SGPL1: variants seen among roughly 807,000 people sequenced by gnomAD.
SGPL1 encodes sphingosine-1-phosphate lyase 1.
In SGPL1, 37 loss-of-function variants were observed where a neutral mutation model predicts 68.9. The observed-to-expected ratio is 0.54, with a 90% CI of 0.41 to 0.71. The LOEUF is 0.71. SGPL1 is among the 30% of genes least tolerant of loss of function. SGPL1 has a pLI of 0.00. For missense variants in SGPL1, 551 were observed against 704.6 expected, an observed-to-expected ratio of 0.78 and a Z score of 2.47; for synonymous variants, 236 against 248.5, an observed-to-expected ratio of 0.95 and a Z score of 0.47.
At position 70,851,045 on chromosome 10, in the gene SGPL1, G is replaced by C. The variant is rs1845871750; in HGVS notation, c.194-98G>C. 4.5e-6 allele frequency: 4 copies of C among 888,474 alleles called. No homozygotes were observed. The African/African-American group carries it at 6.8e-5, about 15-fold the overall frequency. The allele number at this position is 888,474 out of a possible 1,614,324, so 55.0% of individuals were successfully genotyped here. ...AAACGAAAGAAACTCTTTGCAATTGGAAGGCAAGTGAGGTGGAAGACACAT... is the reference window on the plus strand; with the variant it reads ...AAACGAAAGAAACTCTTTGCAATTGCAAGGCAAGTGAGGTGGAAGACACAT... On this transcript the variant is annotated intron_variant, in intron 3 of 14. Coordinates refer to ENST00000373202, the MANE Select transcript of SGPL1 (RefSeq NM_003901.4).
intron 7 of SGPL1, chr10:70,866,468 T>C (rs1343984071): frequency 6.6e-6 from 1 of 152,180 alleles, no homozygotes; most frequent in Non-Finnish European, 1.5e-5. Context: ...TGCATAACAA[T>C]GATGTTTTGA....
At chr10:70,842,615 G>T (rs182489883) in intron 2 of SGPL1, among the ~76,000 whole-genome samples, 2 of 151,706 alleles carry the variant, frequency 1.3e-5, no homozygotes, top group Admixed American at 6.6e-5. Flanking sequence ...GAAAGAGAGT[G>T]GGGGGAGGTC....
At position 70,849,810 on chromosome 10, in the gene SGPL1, C is replaced by CA. The variant is rs771653853; in HGVS notation, c.194-1330dup. On this transcript the variant is annotated intron_variant, in intron 3 of 14. Coordinates refer to ENST00000373202, the MANE Select transcript of SGPL1 (RefSeq NM_003901.4). ...AGCCAGGCTTAGATTCTTATAGACTCAAACAGAAAATTCCTGTGGTGCATT... is the reference window on the plus strand; with the variant it reads ...AGCCAGGCTTAGATTCTTATAGACTCAAAACAGAAAATTCCTGTGGTGCATT... Among the ~76,000 whole-genome samples the CA allele has an allele frequency of 2.0e-4, 31 of 152,192 alleles. 1 individual carries two copies. The highest frequency in any genetic ancestry group is 3.8e-4 in the Non-Finnish European group (26 of 68,030).
rs868485192 is a variant in SGPL1, at chr10:70,849,141, A to G, written c.194-2002A>G. Among the ~76,000 whole-genome samples the G allele has an allele frequency of 4.3e-4, 66 of 152,262 alleles. 1 individual carries two copies. The highest frequency in any genetic ancestry group is 1.4e-3 in the African/African-American group (60 of 41,538). On this transcript the variant is annotated intron_variant, in intron 3 of 14. Transcript: ENST00000373202. ...ATTCTTTTATCCTCCACCTAGTCAC[A>G]TTACTATACTTCTGGACAGCTGGTC...
intron 2 of SGPL1, among the ~76,000 whole-genome samples, chr10:70,837,002 A>C (rs1845636973): frequency 6.6e-6 from 1 of 151,888 alleles, no homozygotes; most frequent in African/African-American, 2.4e-5. Flanking sequence ...TCATTAATTA[A>C]ATTTTAATAA....
intron 7 of SGPL1, among the ~76,000 whole-genome samples, chr10:70,865,158 G>A (rs1278071726): frequency 6.6e-6 from 1 of 151,800 alleles, no homozygotes; most frequent in Admixed American, 6.6e-5. Flanking sequence ...AGTTTCAAGG[G>A]CTGATTAGAA....
rs1008531097 is a variant in SGPL1 at position 70,877,938 on chromosome 10, C to T, written c.*603C>T. ...CAAGCGATTCTTCTGCCTCAGCCTC[C>T]CGAGTAGCTGGGATTACCGGCACCC... On this transcript the variant is annotated 3_prime_UTR_variant, in exon 15 of 15. Coordinates refer to ENST00000373202, the MANE Select transcript of SGPL1 (RefSeq NM_003901.4). The T allele has an allele frequency of 3.9e-5, 6 of 151,902 alleles. No individual in the cohort carries two copies. Among genetic ancestry groups the T allele is most frequent in the African/African-American group, 1.5e-4 (6 of 41,256 alleles). The allele number at this position is 151,902 out of a possible 1,614,324, so 9.4% of individuals were successfully genotyped here.
intron 7 of SGPL1, among the ~76,000 whole-genome samples, chr10:70,867,860 CTCTG>C (rs1250991820): frequency 2.0e-5 from 3 of 152,316 alleles, no homozygotes; most frequent in South Asian, 4.1e-4. Context: ...TTCTGCTTTT[CTCTG>C]TCTTTCAAAC....
In SGPL1 at chr10:70,871,961, C is replaced by A; in HGVS notation, c.1034C>A (p.Thr345Asn). The A allele has an allele frequency of 6.2e-7, 1 of 1,614,098 alleles. No individual in the cohort carries two copies. ...TTTGATTTCCGGGTGAAAGGTGTAA[C>A]CAGCATTTCAGCTGACACCCATAAG... Reference protein sequence around the residue: ...HPFDFRVKGVTSISADTHKYG... With the variant: ...HPFDFRVKGVNSISADTHKYG... Residue 345 changes from threonine to asparagine, a missense_variant, in exon 11 of 15, where the codon ACC (threonine) becomes AAC (asparagine). Physicochemically the swap from Thr to Asn is moderately conservative, Grantham distance 65. Coordinates refer to ENST00000373202, the MANE Select transcript of SGPL1 (RefSeq NM_003901.4).
chr10:70,877,111 G>C (rs1325437726), intron 14 of SGPL1, 84 bp from the exon 15 acceptor site: 1 of 1,388,990 alleles, frequency 7.2e-7, no homozygotes, highest in Non-Finnish European at 1.0e-6. Flanking sequence ...GCTAGGACTC[G>C]GGGAGAAGGG....
intron 3 of SGPL1, among the ~76,000 whole-genome samples, chr10:70,846,413 T>G (rs1845793281): frequency 6.6e-6 from 1 of 152,126 alleles, no homozygotes; most frequent in Admixed American, 6.6e-5. Flanking sequence ...TCTCTGCTTA[T>G]CCTTCTATTA....
intron 1 of SGPL1, among the ~76,000 whole-genome samples, chr10:70,816,603 T>C (rs1845236017): frequency 6.6e-6 from 1 of 152,126 alleles, no homozygotes; most frequent in East Asian, 1.9e-4. Context: ...TCTGGATTAG[T>C]TTCATCAGCT....
At chr10:70,829,584 T>A (rs1464717733) in intron 2 of SGPL1, among the ~76,000 whole-genome samples, 1 of 152,202 alleles carries the variant, frequency 6.6e-6, no homozygotes, top group African/African-American at 2.4e-5. Flanking sequence ...CTTTTTTTTT[T>A]CTCCTGAACG....
At chr10:70,866,831 CT>C (rs1846199730) in intron 7 of SGPL1, 1 of 152,174 alleles carries the variant, frequency 6.6e-6, no homozygotes, top group Admixed American at 6.5e-5. Flanking sequence ...CAAAAAATGA[CT>C]TTTCTCAGTT....
chr10:70,817,635 T>C (rs1845259830), intron 2 of SGPL1, among the ~76,000 whole-genome samples: 1 of 152,118 alleles, frequency 6.6e-6, no homozygotes, highest in African/African-American at 2.4e-5. Flanking sequence ...TTTTAATCCC[T>C]CCCTTCCCGT....
intron 7 of SGPL1, among the ~76,000 whole-genome samples, chr10:70,862,567 TCACTCTTTGGGTC>T (rs1445230845): frequency 6.6e-6 from 1 of 152,118 alleles, no homozygotes; most frequent in African/African-American, 2.4e-5. Flanking sequence ...TTGCTACTGC[TCACTCTTTGGGTC>T]CACGCTGCTT....
chr10:70,826,911 G>C (rs1246455414), intron 2 of SGPL1, among the ~76,000 whole-genome samples: 1 of 152,130 alleles, frequency 6.6e-6, no homozygotes, highest in African/African-American at 2.4e-5. Context: ...TGACTAAACT[G>C]CAGTTATTTA....
At chr10:70,816,708 AAAG>A in intron 1 of SGPL1, 100 bp from the exon 2 acceptor site, 1 of 803,998 alleles carries the variant, frequency 1.2e-6, no homozygotes, top group South Asian at 1.4e-5. Flanking sequence ...CTGAGCCTTC[AAAG>A]GAGGGAGAGA....
intron 5 of SGPL1, 36 bp from the exon 6 acceptor site, chr10:70,857,577 CT>C: frequency 6.5e-7 from 1 of 1,539,550 alleles, no homozygotes; most frequent in Non-Finnish European, 9.0e-7. Flanking sequence ...CCCAGAGATT[CT>C]TGCTTACTGA....
Sources: gnomAD v4.1 joint callset for allele counts (sites outside exome capture counted in the v4.1 genomes callset) on GRCh38, gnomAD v4.1.1 for gene constraint, MANE v1.5 for transcripts, NCBI Gene and HGNC (gene_info 2026-07-23, HGNC 2026-07-21) for gene names.